TTLL2: variants seen among roughly 807,000 people sequenced by gnomAD.
TTLL2 encodes tubulin tyrosine ligase like 2, also known as probable tubulin polyglutamylase TTLL2.
A neutral mutation model predicts 7.5 loss-of-function variants in TTLL2; 10 were observed. The observed-to-expected ratio is 1.33, with a 90% CI of 0.82 to 2.25. TTLL2 has a LOEUF of 2.25. Ranked by LOEUF, TTLL2 falls within the 30% of genes most tolerant of loss-of-function variation. The pLI is 0.00. For synonymous variants in TTLL2, 284 were observed against 280.3 expected (o/e 1.01, Z -0.13); for missense variants, 733 against 735.7 (o/e 1.00, Z 0.04).
chr6:167,329,887 A>G (rs1418803164), intron 1 of TTLL2, among the ~76,000 whole-genome samples: 4 of 152,206 alleles, frequency 2.6e-5, no homozygotes, highest in Non-Finnish European at 5.9e-5. Flanking sequence ...ATAGGCTAGA[A>G]GTCCAAATAT....
chr6:167,338,738 C>G lies in TTLL2; in HGVS notation c.139C>G (p.Leu47Val). The change falls in exon 2 of 3, where the codon CTA becomes GTA. Residue 47 changes from leucine to valine, a missense_variant. By Grantham distance (32) the Leu-to-Val change is conservative. Coordinates refer to ENST00000239587, the MANE Select transcript of TTLL2 (RefSeq NM_031949.5). ...GCCGCCTGCAGGCCTGGGAGCAAGG[C>G]TACAGGAAGCAGGTGTTTCCATCCC... ...EQPPAGLGAR[L>V]QEAGVSIPPR... 1 of 1,614,108 alleles carries G rather than the reference C, an allele frequency of 6.2e-7. No homozygotes were observed. Among genetic ancestry groups the G allele is most frequent in the South Asian group, 1.1e-5 (1 of 91,074 alleles).
At chr6:167,325,252 G>T (rs1213125066) in intron 1 of TTLL2, 32 bp downstream of exon 1, 6 of 1,511,386 alleles carry the variant, frequency 4.0e-6, no homozygotes, top group Non-Finnish European at 8.9e-7. Context: ...TAGGATGGGA[G>T]GGTGGCCCCG....
Position 167,341,696 on chromosome 6 carries a change from T to G in TTLL2, c.*17T>G. On this transcript the variant is annotated 3_prime_UTR_variant, in exon 3 of 3. Coordinates refer to ENST00000239587, the MANE Select transcript of TTLL2 (RefSeq NM_031949.5). ...CATTCCTAAGTGGTAAAAAATCAAA[T>G]CAAGAAAAAGTGACATGGATTTTTA... is the stretch of plus-strand genomic sequence containing the variant. 6.4e-7 allele frequency: 1 copy of G among 1,573,548 alleles called. No individual in the cohort carries two copies.
At position 167,340,614 on chromosome 6, in the gene TTLL2, A is replaced by G. The variant is rs763598186; in HGVS notation, c.714A>G (p.Ile238Met). ...FKDFIFDDMY[I>M]VQKYISNPLL... ...ACTTCATCTTTGATGATATGTACATAGTGCAGAAATATATCTCCAATCCTT... is the reference window on the plus strand; with the variant it reads ...ACTTCATCTTTGATGATATGTACATGGTGCAGAAATATATCTCCAATCCTT... The change falls in exon 3 of 3, where the codon ATA (isoleucine) becomes ATG (methionine). Residue 238 changes from isoleucine to methionine, a missense_variant. Physicochemically the swap from Ile to Met is conservative, Grantham distance 10. Transcript: ENST00000239587. The G allele has an allele frequency of 6.2e-7, 1 of 1,614,100 alleles. No individual in the cohort carries two copies. The highest frequency in any genetic ancestry group is 1.3e-5 in the African/African-American group (1 of 74,910).
chr6:167,336,763 A>C (rs949171265), intron 1 of TTLL2, among the ~76,000 whole-genome samples: 25 of 152,220 alleles, frequency 1.6e-4, no homozygotes, highest in Admixed American at 1.6e-3. Flanking sequence ...CCAAACAGGC[A>C]GTCTCTACCC....
At chr6:167,335,634 T>C (rs1030792597) in intron 1 of TTLL2, among the ~76,000 whole-genome samples, 9 of 151,426 alleles carry the variant, frequency 5.9e-5, no homozygotes, top group South Asian at 4.2e-4. Flanking sequence ...TGGAATACTA[T>C]GCAGCCATAA....
chr6:167,326,005 G>A (rs559922537), intron 1 of TTLL2, among the ~76,000 whole-genome samples: 2 of 152,282 alleles, frequency 1.3e-5, no homozygotes, highest in Middle Eastern at 3.4e-3. Flanking sequence ...CCTCCACACC[G>A]CAGGCAGAGG....
intron 1 of TTLL2, among the ~76,000 whole-genome samples, chr6:167,334,579 G>T (rs967839165): frequency 6.7e-6 from 1 of 149,914 alleles, no homozygotes; most frequent in Non-Finnish European, 1.5e-5. Context: ...ATACTACAAG[G>T]CTACAGTAAC....
chr6:167,340,778 A>G lies in TTLL2; in HGVS notation c.878A>G (p.Asn293Ser), dbSNP rs1234823663. ...EKFDLSNLQNNYAHLTNSSIN... is the reference protein window; with the variant it reads ...EKFDLSNLQNSYAHLTNSSIN... The stretch of plus-strand genomic sequence containing the variant: ...TTTGACCTCAGTAATTTGCAAAACA[A>G]TTATGCCCATTTGACCAACAGCAGC... Residue 293 changes from asparagine to serine, a missense_variant, in exon 3 of 3, where the codon AAT becomes AGT. Coordinates refer to ENST00000239587, the MANE Select transcript of TTLL2 (RefSeq NM_031949.5). 1.9e-6 allele frequency: 3 copies of G among 1,614,060 alleles called. No homozygotes were observed. The highest frequency in any genetic ancestry group is 2.7e-5 in the African/African-American group (2 of 74,900).
At position 167,341,025 on chromosome 6, in the gene TTLL2, G is replaced by C. The variant is rs1296928129; in HGVS notation, c.1125G>C (p.Leu375Phe). The change falls in exon 3 of 3, where the codon TTG becomes TTC. Residue 375 changes from leucine to phenylalanine, a missense_variant. Leu to Phe is a conservative substitution (Grantham distance 22, BLOSUM62 0). Transcript: ENST00000239587. ...NCFELFGFDI[L>F]IDDNLKPWLL... ...TTGAGCTCTTTGGGTTTGATATTTT[G>C]ATTGATGACAACTTGAAACCATGGC... 3.1e-6 allele frequency: 5 copies of C among 1,613,900 alleles called. No homozygotes were observed. Among genetic ancestry groups the C allele is most frequent in the Non-Finnish European group, 4.2e-6 (5 of 1,180,018 alleles).
chr6:167,328,723 A>G (rs1778878706), intron 1 of TTLL2, among the ~76,000 whole-genome samples: 1 of 152,156 alleles, frequency 6.6e-6, no homozygotes, highest in East Asian at 1.9e-4. Flanking sequence ...TCTGACATAC[A>G]CAAATGGGAC....
At position 167,340,909 on chromosome 6, in the gene TTLL2, G is replaced by T; in HGVS notation, c.1009G>T (p.Asp337Tyr). ...FFSYLRSWDV[D>Y]DLLLWKKIHR... is the part of the protein sequence containing the mutation. The stretch of plus-strand genomic sequence containing the variant: ...TTCCTACCTTCGTAGCTGGGATGTG[G>T]ACGATCTGCTTTTGTGGAAGAAAAT... Residue 337 changes from aspartate to tyrosine, a missense_variant, in exon 3 of 3, where the codon GAC becomes TAC. Physicochemically the swap from Asp to Tyr is radical, Grantham distance 160 (BLOSUM62 -3). Transcript: ENST00000239587. 6.2e-7 allele frequency: 1 copy of T among 1,614,134 alleles called. No homozygotes were observed. The highest frequency in any genetic ancestry group is 8.5e-7 in the Non-Finnish European group (1 of 1,180,034).
Position 167,337,534 on chromosome 6 carries a change from G to A in TTLL2, c.48-1113G>A, listed in dbSNP as rs140599518. Among the ~76,000 whole-genome samples the A allele has an allele frequency of 5.2e-4, 79 of 152,302 alleles. 1 individual carries two copies. The highest frequency in any genetic ancestry group is 1.8e-3 in the African/African-American group (76 of 41,552). On this transcript the variant is annotated intron_variant, in intron 1 of 2. Coordinates refer to ENST00000239587, the MANE Select transcript of TTLL2 (RefSeq NM_031949.5). ...CAACCTTCTAGAGCCTGGATGCAGC[G>A]TTCTCAAGGCTGGGAAAAGGTGGGG...
At position 167,341,633 on chromosome 6, in the gene TTLL2, G is replaced by A; in HGVS notation, c.1733G>A (p.Arg578Lys). The change falls in exon 3 of 3, where the codon AGA becomes AAA. Residue 578 changes from arginine to lysine, a missense_variant. Coordinates refer to ENST00000239587, the MANE Select transcript of TTLL2 (RefSeq NM_031949.5). ...TCCAGGAATGGATTAAATGTCAAAA[G>A]AATAATCCAAGAGCTCCAGAAACTA... ...GASRNGLNVKRIIQELQKLMN... is the reference protein window; with the variant it reads ...GASRNGLNVKKIIQELQKLMN... The A allele has an allele frequency of 6.2e-7, 1 of 1,613,768 alleles. No homozygotes were observed.
intron 1 of TTLL2, among the ~76,000 whole-genome samples, chr6:167,336,103 G>A (rs1268114950): frequency 2.6e-5 from 4 of 152,030 alleles, no homozygotes; most frequent in African/African-American, 7.3e-5. Flanking sequence ...CTGTGCCATA[G>A]TAAACACAGG....
chr6:167,340,367 A>C lies in TTLL2; in HGVS notation c.467A>C (p.Lys156Thr). 1 of 1,614,168 alleles carries C rather than the reference A, an allele frequency of 6.2e-7. No homozygotes were observed. The highest frequency in any genetic ancestry group is 8.5e-7 in the Non-Finnish European group (1 of 1,180,032). The change falls in exon 3 of 3, where the codon AAA (lysine) becomes ACA (threonine). Residue 156 changes from lysine to threonine, a missense_variant. Lys to Thr is a moderately conservative substitution (Grantham distance 78). Coordinates refer to ENST00000239587, the MANE Select transcript of TTLL2 (RefSeq NM_031949.5). ...CCTGGAACCACCAAGCTTACCAGGAAAGACTGTTTGGCCAAACACCTGAAG... is the reference window on the plus strand; with the variant it reads ...CCTGGAACCACCAAGCTTACCAGGACAGACTGTTTGGCCAAACACCTGAAG... ...HHPGTTKLTRKDCLAKHLKHM... is the reference protein window; with the variant it reads ...HHPGTTKLTRTDCLAKHLKHM...
rs1213070405 is a variant in TTLL2 at position 167,341,892 on chromosome 6, T to A, written c.*213T>A. 1 of 558,606 alleles carries A rather than the reference T, an allele frequency of 1.8e-6. No individual in the cohort carries two copies. The highest frequency in any genetic ancestry group is 3.1e-5 in the East Asian group (1 of 32,652). The allele number at this position is 558,606 out of a possible 1,614,324, so 34.6% of individuals were successfully genotyped here. A position where few individuals can be genotyped will look rare whatever the true frequency, so the allele number is the denominator to read the frequency against. On this transcript the variant is annotated 3_prime_UTR_variant, in exon 3 of 3. Coordinates refer to ENST00000239587, the MANE Select transcript of TTLL2 (RefSeq NM_031949.5). Reference sequence around the variant, plus strand: ...ATTAAACTACATTACATCCCATGTTTATTTGCTCAGGTGTCTTGAAAGAAT... The same window carrying A: ...ATTAAACTACATTACATCCCATGTTAATTTGCTCAGGTGTCTTGAAAGAAT...
chr6:167,339,222 A>G lies in TTLL2; in HGVS notation c.204+419A>G, dbSNP rs1779037041. Among the ~76,000 whole-genome samples the G allele has an allele frequency of 2.0e-5, 3 of 152,154 alleles. No individual in the cohort carries two copies. In the South Asian group the frequency reaches 6.2e-4, roughly 32 times the overall value. ...AATTTTGCACGAACAATACAAATCA[A>G]AATTGCCTTAGCTTGAAAATTTTGA... On this transcript the variant is annotated intron_variant, in intron 2 of 2. Transcript: ENST00000239587.
chr6:167,341,242 G>C lies in TTLL2; in HGVS notation c.1342G>C (p.Asp448His), dbSNP rs761699389. ...TGCAAAAAGTGACAGAGGTGGGCTTGATGCTCCTGACTGTCTTCCTTATGA... is the reference window on the plus strand; with the variant it reads ...TGCAAAAAGTGACAGAGGTGGGCTTCATGCTCCTGACTGTCTTCCTTATGA... The part of the protein sequence containing the change: ...DAAKSDRGGL[D>H]APDCLPYDSL... Residue 448 changes from aspartate (D) to histidine (H), a missense_variant, in exon 3 of 3, where the codon GAT (aspartate) becomes CAT (histidine). By Grantham distance (81) the Asp-to-His change is moderately conservative. Coordinates refer to ENST00000239587, the MANE Select transcript of TTLL2 (RefSeq NM_031949.5). 1.1e-5 allele frequency: 18 copies of C among 1,613,708 alleles called. No homozygotes were observed. The highest frequency in any genetic ancestry group is 1.5e-5 in the Non-Finnish European group (18 of 1,179,984).
Sources: gnomAD v4.1 joint callset for allele counts (sites outside exome capture counted in the v4.1 genomes callset) on GRCh38, gnomAD v4.1.1 for gene constraint, MANE v1.5 for transcripts, NCBI Gene and HGNC (gene_info 2026-07-23, HGNC 2026-07-21) for gene names.